Variants in PUDP observed in about 807,000 individuals in gnomAD.
PUDP encodes pseudouridine 5'-phosphatase, also known as pseudouridine-5'-phosphatase.
PUDP carries 8 observed loss-of-function variants against 9.4 expected under a neutral mutation model. The observed-to-expected ratio is 0.85, with a 90% CI of 0.50 to 1.53. The LOEUF (loss-of-function observed/expected upper bound fraction) is 1.53, where lower values mean the gene tolerates loss of function less well. Ranked by LOEUF, PUDP falls within the 40% of genes most tolerant of loss-of-function variation. PUDP has a pLI of 0.00. For missense variants in PUDP, 188 were observed against 189.7 expected (o/e 0.99, Z 0.05); for synonymous variants, 99 against 80.7 (o/e 1.23, Z -1.22).
At chrX:7,128,238 C>T (rs767598393) in intron 1 of PUDP, among the ~76,000 whole-genome samples, 1 of 111,056 alleles carries the variant, frequency 9.0e-6, no homozygotes, top group South Asian at 3.9e-4. Context: ...GACAGGGTTT[C>T]GCCATGTTGC....
intron 2 of PUDP, among the ~76,000 whole-genome samples, chrX:7,090,759 C>T (rs746410176): frequency 5.4e-5 from 6 of 111,488 alleles, no homozygotes; most frequent in Admixed American, 9.6e-5. Context: ...ACACCAGAAG[C>T]TCCTGTGTTG....
rs768021770 is a variant in PUDP, at chrX:7,006,348, C to T, written c.205-28005G>A. Among the ~76,000 whole-genome samples, 16 of 111,647 alleles carry T rather than the reference C, an allele frequency of 1.4e-4. 1 individual carries two copies. In the South Asian group the frequency reaches 4.5e-3, roughly 32 times the overall value. ...ACAGTCTCATTAACACATTATTTTC[C>T]GGGGTTTTTGCTTTGTGTTTGATAG... On this transcript the variant is annotated intron_variant and NMD_transcript_variant, in intron 1 of 3. Coordinates refer to the PUDP transcript ENST00000655425.
intron 1 of PUDP, among the ~76,000 whole-genome samples, chrX:6,992,513 C>G (rs1434290090): frequency 9.2e-6 from 1 of 108,705 alleles, no homozygotes; most frequent in Non-Finnish European, 1.9e-5. Context: ...ACCTCATGAT[C>G]CACCCGCCTC....
intron 2 of PUDP, among the ~76,000 whole-genome samples, chrX:7,077,780 G>C (rs937995290): frequency 8.9e-6 from 1 of 112,784 alleles, no homozygotes; most frequent in Admixed American, 9.3e-5. Context: ...GGCCCAGGAG[G>C]TGACTGGACC....
chrX:6,855,392 A>G lies in PUDP; in HGVS notation c.*247+121741T>C, dbSNP rs1039228376. 5.4e-5 allele frequency among the ~76,000 whole-genome samples: 6 copies of G among 111,799 alleles called. No homozygotes were observed. In the South Asian group the frequency reaches 2.3e-3, roughly 42 times the overall value. ...AAGTTTTTAAGGAGCCAAAAGTTAT[A>G]CTTGAATTTTTGACTACACAGGTGT... On this transcript the variant is annotated intron_variant and NMD_transcript_variant, in intron 3 of 3. Coordinates refer to the PUDP transcript ENST00000655425.
intron 3 of PUDP, among the ~76,000 whole-genome samples, chrX:6,772,005 T>C (rs1367578092): frequency 8.9e-6 from 1 of 112,840 alleles, no homozygotes. Flanking sequence ...AAGTGAAATG[T>C]GGATGGAAAC....
At chrX:6,974,998 G>T (rs1410492739) in intron 3 of PUDP, among the ~76,000 whole-genome samples, 1 of 108,180 alleles carries the variant, frequency 9.2e-6, no homozygotes, top group Non-Finnish European at 1.9e-5. Context: ...CTGCTTGATC[G>T]ATTCGGCTAT....
intron 1 of PUDP, among the ~76,000 whole-genome samples, chrX:7,137,900 G>A (rs1932765940): frequency 8.9e-6 from 1 of 112,101 alleles, no homozygotes; most frequent in Admixed American, 9.5e-5. Flanking sequence ...CTCAGGCTCT[G>A]AACTTCTCAC....
chrX:6,838,885 G>A (rs1167054720), intron 3 of PUDP, among the ~76,000 whole-genome samples: 2 of 112,123 alleles, frequency 1.8e-5, no homozygotes, highest in African/African-American at 3.2e-5. Context: ...ATCAAGTCAT[G>A]CATGTCTAAA....
At position 6,865,500 on chromosome X, in the gene PUDP, T is replaced by C. The variant is rs1007536956; in HGVS notation, c.*247+111633A>G. Among the ~76,000 whole-genome samples, 5 of 112,286 alleles carry C rather than the reference T, an allele frequency of 4.5e-5. 1 individual carries two copies. Among genetic ancestry groups the C allele is most frequent in the Admixed American group, 1.9e-4 (2 of 10,542 alleles). On this transcript the variant is annotated intron_variant and NMD_transcript_variant, in intron 3 of 3. Transcript: ENST00000655425. ...TAGTCACTTGGTAAATGTGTCAATTTTGGGAACTGAACCACAAACTCAACA... is the reference window on the plus strand; with the variant it reads ...TAGTCACTTGGTAAATGTGTCAATTCTGGGAACTGAACCACAAACTCAACA...
intron 3 of PUDP, among the ~76,000 whole-genome samples, chrX:6,931,492 A>G (rs775529263): frequency 2.7e-5 from 3 of 112,193 alleles, no homozygotes; most frequent in Non-Finnish European, 5.6e-5. Flanking sequence ...TATATTTAAA[A>G]GCAAAAGCGT....
chrX:6,884,924 G>A (rs901466794), intron 3 of PUDP, among the ~76,000 whole-genome samples: 15 of 112,120 alleles, frequency 1.3e-4, no homozygotes, highest in Non-Finnish European at 2.4e-4. Context: ...GCTGCTCCCA[G>A]ATCAGACTGA....
At chrX:7,027,849 CTATATATAGACTATA>C (rs1569142166) in intron 1 of PUDP, among the ~76,000 whole-genome samples, 4 of 85,640 alleles carry the variant, frequency 4.7e-5, no homozygotes, top group African/African-American at 1.9e-4. Flanking sequence ...TATATATAGA[CTATATATAGACTATA>C]TATATAGAAT....
chrX:6,730,705 C>T (rs1415168609), intron 3 of PUDP, among the ~76,000 whole-genome samples: 2 of 112,012 alleles, frequency 1.8e-5, no homozygotes, highest in Non-Finnish European at 1.9e-5. Flanking sequence ...AAGAGTTATC[C>T]AACATAAAGG....
At chrX:6,738,101 C>T (rs940415260) in intron 3 of PUDP, among the ~76,000 whole-genome samples, 7 of 111,490 alleles carry the variant, frequency 6.3e-5, no homozygotes, top group African/African-American at 2.3e-4. Context: ...CTAGCAGATG[C>T]AGGTGCAGGC....
chrX:7,045,776 A>T (rs111446711), downstream of PUDP, among the ~76,000 whole-genome samples: 428 of 112,358 alleles, frequency 3.8e-3, 2 homozygotes, highest in African/African-American at 0.013. Context: ...ACCAAAGATC[A>T]AGAGCAAAAC....
At chrX:7,078,360 T>G (rs979001883) in intron 2 of PUDP, among the ~76,000 whole-genome samples, 1 of 112,583 alleles carries the variant, frequency 8.9e-6, no homozygotes, top group Non-Finnish European at 1.9e-5. Context: ...ATGGCTGATC[T>G]TGGCTCACTG....
At chrX:7,064,338 G>A (rs1446229078) in intron 3 of PUDP, among the ~76,000 whole-genome samples, 1 of 111,758 alleles carries the variant, frequency 8.9e-6, no homozygotes, top group African/African-American at 3.3e-5. Context: ...AATAAATAAT[G>A]AGGGCATTCT....
At chrX:6,931,440 C>T (rs1167073507) in intron 3 of PUDP, among the ~76,000 whole-genome samples, 2 of 111,841 alleles carry the variant, frequency 1.8e-5, no homozygotes, top group East Asian at 5.6e-4. Context: ...CCTTCTAAAG[C>T]ACTGGGATTA....
Sources: gnomAD v4.1 joint callset for allele counts (sites outside exome capture counted in the v4.1 genomes callset) on GRCh38, gnomAD v4.1.1 for gene constraint, MANE v1.5 for transcripts, NCBI Gene and HGNC (gene_info 2026-07-23, HGNC 2026-07-21) for gene names.